Variants in MYO9A observed in about 807,000 individuals in gnomAD.
The protein encoded by MYO9A is myosin IXA.
In MYO9A, 103 loss-of-function variants were observed where a neutral mutation model predicts 293.3. The ratio of observed to expected loss-of-function variants is 0.35; its 90% confidence interval spans 0.30 to 0.41. The LOEUF is 0.41. Among genes scored for constraint, MYO9A ranks in the 10% least tolerant of loss-of-function variants. MYO9A has a pLI of 1.00. For synonymous variants in MYO9A, 1,001 were observed against 1,035.7 expected (o/e 0.97, Z 0.64); for missense variants, 2,685 against 3,033.0 (o/e 0.89, Z 2.69).
Position 71,836,791 on chromosome 15 carries a change from T to C in MYO9A, c.6838-6480A>G, listed in dbSNP as rs12101856. On this transcript the variant is annotated intron_variant, in intron 39 of 41. Coordinates refer to ENST00000356056, the MANE Select transcript of MYO9A (RefSeq NM_006901.4). ...CAGTGCTCAGGGATACATATTTTGG[T>C]AGCAAACAAAAAATAAAGTAAGTCA... Among the ~76,000 whole-genome samples, 631 of 152,114 alleles carry C rather than the reference T, an allele frequency of 4.1e-3. 5 individuals carry two copies. Among genetic ancestry groups the C allele is most frequent in the African/African-American group, 0.015 (604 of 41,536 alleles).
Position 72,019,172 on chromosome 15 carries a change from A to T in MYO9A, c.1099-77T>A, listed in dbSNP as rs2077427021. 4.2e-6 allele frequency: 5 copies of T among 1,182,658 alleles called. No individual in the cohort carries two copies. The Admixed American group carries it at 8.5e-5, about 20-fold the overall frequency. The allele number at this position is 1,182,658 out of a possible 1,614,324, so 73.3% of individuals were successfully genotyped here. A position where few individuals can be genotyped will look rare whatever the true frequency, so the allele number is the denominator to read the frequency against. On this transcript the variant is annotated intron_variant, in intron 5 of 41. Coordinates refer to ENST00000356056, the MANE Select transcript of MYO9A (RefSeq NM_006901.4). Reference sequence around the variant, plus strand: ...TAATGATCTCTTAGATGTGGTGTGCAAGTAGTACTGCTGCTCTCCATTGAA... The same window carrying T: ...TAATGATCTCTTAGATGTGGTGTGCTAGTAGTACTGCTGCTCTCCATTGAA...
At chr15:71,855,262 A>G (rs2055819180) in intron 34 of MYO9A, among the ~76,000 whole-genome samples, 1 of 152,070 alleles carries the variant, frequency 6.6e-6, no homozygotes, top group African/African-American at 2.4e-5. Context: ...CAGCCTCCCA[A>G]GTAGCTGGGA....
chr15:72,064,378 CTA>C (rs532479117), intron 1 of MYO9A, among the ~76,000 whole-genome samples: 16 of 152,178 alleles, frequency 1.1e-4, no homozygotes, highest in South Asian at 4.2e-4. Flanking sequence ...CCCATTTGCC[CTA>C]ATGTGATTAT....
At chr15:71,990,683 C>T (rs935255254) in intron 11 of MYO9A, among the ~76,000 whole-genome samples, 22 of 149,484 alleles carry the variant, frequency 1.5e-4, no homozygotes, top group Non-Finnish European at 2.5e-4. Flanking sequence ...CATGAACCCG[C>T]GAGGCGGAGC....
At position 71,910,168 on chromosome 15, in the gene MYO9A, G is replaced by A. The variant is rs965147431; in HGVS notation, c.2686-5162C>T. Among the ~76,000 whole-genome samples, 81 of 128,312 alleles carry A rather than the reference G, an allele frequency of 6.3e-4. 2 individuals are homozygous for A. Among genetic ancestry groups the A allele is most frequent in the Non-Finnish European group, 1.0e-3 (64 of 62,226 alleles). 84.2% of individuals were successfully genotyped at this position (128,312 alleles called of 152,430 possible). ...CGTGTGTGTGTATATATATATACGT[G>A]TATATATATATATAAAATCAGAAAC... On this transcript the variant is annotated intron_variant, in intron 19 of 41. Transcript: ENST00000356056.
At chr15:71,851,866 T>C (rs1368284109) in intron 36 of MYO9A, among the ~76,000 whole-genome samples, 1 of 152,226 alleles carries the variant, frequency 6.6e-6, no homozygotes, top group Non-Finnish European at 1.5e-5. Context: ...ATCTGTTTTA[T>C]AACCCCAGTC....
At chr15:72,053,697 G>A (rs944274113) in intron 1 of MYO9A, among the ~76,000 whole-genome samples, 2 of 152,098 alleles carry the variant, frequency 1.3e-5, no homozygotes, top group East Asian at 1.9e-4. Context: ...ACTACCTATC[G>A]GGTACTGCTG....
intron 1 of MYO9A, among the ~76,000 whole-genome samples, chr15:72,075,129 T>C (rs905520193): frequency 3.3e-5 from 5 of 151,938 alleles, no homozygotes; most frequent in Non-Finnish European, 5.9e-5. Context: ...CACGCCCAGC[T>C]AATTTTGTAT....
intron 39 of MYO9A, chr15:71,847,454 A>C (rs746268417): frequency 1.1e-5 from 5 of 455,392 alleles, no homozygotes; most frequent in South Asian, 7.8e-5. Context: ...ATCTAACTGC[A>C]ATTAGTACAG....
chr15:72,043,343 T>A (rs2078283257), intron 2 of MYO9A, among the ~76,000 whole-genome samples: 1 of 152,210 alleles, frequency 6.6e-6, no homozygotes, highest in Non-Finnish European at 1.5e-5. Flanking sequence ...TATCATCTGA[T>A]CTAGTCATTA....
chr15:71,991,776 C>A (rs549403146), intron 10 of MYO9A, among the ~76,000 whole-genome samples: 6 of 152,128 alleles, frequency 3.9e-5, no homozygotes, highest in African/African-American at 1.4e-4. Context: ...ATTTTTGAGA[C>A]GGAGTCTCGA....
chr15:72,019,227 G>C (rs2077428886), intron 5 of MYO9A, 132 bp from the exon 6 acceptor site: 1 of 714,106 alleles, frequency 1.4e-6, no homozygotes, highest in Non-Finnish European at 2.5e-6. Flanking sequence ...CATAAAACAA[G>C]AAATAATGAA....
At chr15:72,037,273 A>C (rs1055196474) in intron 2 of MYO9A, among the ~76,000 whole-genome samples, 2 of 151,770 alleles carry the variant, frequency 1.3e-5, no homozygotes, top group African/African-American at 4.8e-5. Context: ...AAAAAAAAAA[A>C]AAAAAAAAAC....
At chr15:72,005,403 C>T (rs1477953957) in intron 8 of MYO9A, among the ~76,000 whole-genome samples, 1 of 152,118 alleles carries the variant, frequency 6.6e-6, no homozygotes, top group Admixed American at 6.5e-5. Context: ...AACAGAAGCC[C>T]TGGTTTCTGC....
intron 1 of MYO9A, among the ~76,000 whole-genome samples, chr15:72,087,287 T>C (rs2079768626): frequency 6.6e-6 from 1 of 152,176 alleles, no homozygotes; most frequent in Non-Finnish European, 1.5e-5. Flanking sequence ...TAAAGTCTCC[T>C]ATGGGAGCAA....
chr15:71,964,691 G>A (rs1377205378), intron 13 of MYO9A, among the ~76,000 whole-genome samples: 2 of 151,944 alleles, frequency 1.3e-5, no homozygotes, highest in African/African-American at 2.4e-5. Context: ...GGAGGCTGAG[G>A]CAGGAGAATC....
intron 3 of MYO9A, among the ~76,000 whole-genome samples, chr15:72,031,590 C>G (rs1020157369): frequency 1.3e-5 from 2 of 152,110 alleles, no homozygotes; most frequent in African/African-American, 4.8e-5. Context: ...CTATACTCAA[C>G]TATCTTTGGG....
intron 18 of MYO9A, among the ~76,000 whole-genome samples, chr15:71,921,746 C>A (rs1183021804): frequency 6.6e-6 from 1 of 150,468 alleles, no homozygotes; most frequent in African/African-American, 2.4e-5. Context: ...GTCTAAATTC[C>A]TTTCCCTCAA....
intron 11 of MYO9A, among the ~76,000 whole-genome samples, chr15:71,982,005 ATTTTTTTTTTTTTTT>A (rs750930471): frequency 5.3e-5 from 3 of 56,308 alleles, no homozygotes; most frequent in East Asian, 6.2e-4. Context: ...CCTATTTAGA[ATTTTTTTTTTTTTTT>A]TTTTTTTTTT....
Sources: gnomAD v4.1 joint callset for allele counts (sites outside exome capture counted in the v4.1 genomes callset) on GRCh38, gnomAD v4.1.1 for gene constraint, MANE v1.5 for transcripts, NCBI Gene and HGNC (gene_info 2026-07-23, HGNC 2026-07-21) for gene names.